The following IL1RAPL1 variants were observed in gnomAD, a reference collection of about 807,000 sequenced individuals.
IL1RAPL1 encodes the protein interleukin 1 receptor accessory protein like 1, also known as interleukin-1 receptor accessory protein-like 1.
IL1RAPL1 carries 3 observed loss-of-function variants against 48.4 expected under a neutral mutation model. The ratio of observed to expected loss-of-function variants is 0.06; its 90% CI spans 0.03 to 0.16. The LOEUF (loss-of-function observed/expected upper bound fraction) is 0.16, where lower values mean the gene tolerates loss of function less well. Ranked by LOEUF, IL1RAPL1 falls within the 10% of genes least tolerant of loss-of-function variation. The pLI, the probability that IL1RAPL1 is intolerant of heterozygous loss-of-function variation, is 1.00. For missense variants in IL1RAPL1, 349 were observed against 530.6 expected, an observed-to-expected ratio of 0.66 and a Z score of 3.36; for synonymous variants, 185 against 187.7, an observed-to-expected ratio of 0.99 and a Z score of 0.12.
chrX:29,407,677 A>T (rs181236444), intron 5 of IL1RAPL1, among the ~76,000 whole-genome samples: 96 of 112,065 alleles, frequency 8.6e-4, no homozygotes, highest in Non-Finnish European at 1.6e-3. Context: ...GGATTTGCTC[A>T]TTAAAAGTAT....
At position 29,118,334 on chromosome X, in the gene IL1RAPL1, A is replaced by G. The variant is rs138038474; in HGVS notation, c.83-164604A>G. Among the ~76,000 whole-genome samples the G allele has an allele frequency of 1.7e-4, 19 of 111,880 alleles. No homozygotes were observed. The East Asian group carries it at 4.2e-3, about 25-fold the overall frequency. ...CAAATAAACTTCTGTGGAACATACA[A>G]TGGTTATTCCTATTTTACAGAATGG... is the stretch of plus-strand genomic sequence containing the variant. On this transcript the variant is annotated intron_variant, in intron 2 of 10. Coordinates refer to ENST00000378993, the MANE Select transcript of IL1RAPL1 (RefSeq NM_014271.4).
intron 5 of IL1RAPL1, among the ~76,000 whole-genome samples, chrX:29,475,733 A>G (rs1934965590): frequency 8.9e-6 from 1 of 111,920 alleles, no homozygotes; most frequent in Non-Finnish European, 1.9e-5. Flanking sequence ...TGGTCTTTCA[A>G]TTAACATGAT....
chrX:28,780,361 GTGTGTC>G (rs1220742265), intron 1 of IL1RAPL1, among the ~76,000 whole-genome samples: 3 of 95,437 alleles, frequency 3.1e-5, no homozygotes, highest in African/African-American at 1.3e-4. Context: ...GTGTGTGTGT[GTGTGTC>G]TGTCTGTCTG....
intron 2 of IL1RAPL1, among the ~76,000 whole-genome samples, chrX:29,155,650 C>T (rs756311098): frequency 1.1e-4 from 12 of 111,945 alleles, no homozygotes; most frequent in Admixed American, 2.9e-4. Flanking sequence ...ATAGAACTCT[C>T]TCTCACTGGT....
chrX:28,789,190 CT>C (rs1458507524), intron 1 of IL1RAPL1, 129 bp from the exon 2 acceptor site: 1 of 443,938 alleles, frequency 2.3e-6, no homozygotes, highest in African/African-American at 2.5e-5. Flanking sequence ...AATAGAAATC[CT>C]GGTTATATTC....
At chrX:29,651,295 G>C (rs1326495193) in intron 5 of IL1RAPL1, among the ~76,000 whole-genome samples, 2 of 110,810 alleles carry the variant, frequency 1.8e-5, no homozygotes, top group Admixed American at 9.6e-5. Context: ...AAAACGAAGT[G>C]AGTATGTCAG....
chrX:28,795,040 A>T (rs935170816), intron 2 of IL1RAPL1, among the ~76,000 whole-genome samples: 2 of 111,227 alleles, frequency 1.8e-5, no homozygotes, highest in African/African-American at 3.3e-5. Context: ...CCATGTGTTT[A>T]TTCTCAGTTT....
At chrX:29,327,583 T>C (rs1298019122) in intron 3 of IL1RAPL1, among the ~76,000 whole-genome samples, 1 of 101,467 alleles carries the variant, frequency 9.9e-6, no homozygotes, top group Non-Finnish European at 2.0e-5. Flanking sequence ...GTGACCATAC[T>C]AGATACTTAA....
intron 9 of IL1RAPL1, among the ~76,000 whole-genome samples, chrX:29,951,267 C>T (rs1467668086): frequency 2.7e-5 from 3 of 112,059 alleles, no homozygotes; most frequent in Non-Finnish European, 5.6e-5. Context: ...CATACCTGAG[C>T]TAAGGATCTC....
intron 2 of IL1RAPL1, among the ~76,000 whole-genome samples, chrX:29,121,881 T>G (rs1191797866): frequency 1.8e-5 from 2 of 112,095 alleles, no homozygotes; most frequent in Non-Finnish European, 3.8e-5. Flanking sequence ...GTTAAAAAAC[T>G]TATTTATGTT....
rs773740482 is a variant in IL1RAPL1, at chrX:29,598,684, A to G, written c.704-69746A>G. Among the ~76,000 whole-genome samples the G allele has an allele frequency of 3.0e-4, 34 of 111,732 alleles. No individual in the cohort carries two copies. The South Asian group carries it at 6.4e-3, about 21-fold the overall frequency. ...ATCTCATTTCTTAGGTCTACTAGTA[A>G]TCGTTTTATAAACTTGGGAGCTCCA... is the stretch of plus-strand genomic sequence containing the variant. On this transcript the variant is annotated intron_variant, in intron 5 of 10. Coordinates refer to ENST00000378993, the MANE Select transcript of IL1RAPL1 (RefSeq NM_014271.4).
At chrX:29,346,812 G>A (rs1933156315) in intron 3 of IL1RAPL1, among the ~76,000 whole-genome samples, 1 of 112,152 alleles carries the variant, frequency 8.9e-6, no homozygotes, top group Non-Finnish European at 1.9e-5. Flanking sequence ...CACCTTGACA[G>A]GTTTCTCCAG....
At chrX:28,996,776 G>A (rs1353263208) in intron 2 of IL1RAPL1, among the ~76,000 whole-genome samples, 1 of 111,115 alleles carries the variant, frequency 9.0e-6, no homozygotes, top group Non-Finnish European at 1.9e-5. Context: ...GCCGTCATAG[G>A]ATGTGTGATA....
intron 6 of IL1RAPL1, among the ~76,000 whole-genome samples, chrX:29,706,142 A>G (rs1301418476): frequency 1.8e-5 from 2 of 111,381 alleles, no homozygotes; most frequent in Non-Finnish European, 3.8e-5. Context: ...CGAGAACAGC[A>G]TGGGAAAGAC....
intron 6 of IL1RAPL1, among the ~76,000 whole-genome samples, chrX:29,754,534 C>T (rs1400226805): frequency 2.7e-5 from 3 of 111,937 alleles, no homozygotes; most frequent in Non-Finnish European, 5.6e-5. Context: ...TTTTAATACA[C>T]AGAAACGATT....
At chrX:28,802,849 G>T (rs1457389288) in intron 2 of IL1RAPL1, among the ~76,000 whole-genome samples, 1 of 111,204 alleles carries the variant, frequency 9.0e-6, no homozygotes, top group African/African-American at 3.3e-5. Flanking sequence ...ATGAAAATGC[G>T]GTAATAAACA....
intron 2 of IL1RAPL1, among the ~76,000 whole-genome samples, chrX:29,116,463 TA>T (rs1165193677): frequency 1.8e-5 from 2 of 111,651 alleles, no homozygotes; most frequent in Non-Finnish European, 3.8e-5. Flanking sequence ...ACACAGAAAT[TA>T]ACAAGTGGTT....
intron 2 of IL1RAPL1, among the ~76,000 whole-genome samples, chrX:29,107,407 G>A (rs1028121647): frequency 8.9e-6 from 1 of 112,185 alleles, no homozygotes; most frequent in Non-Finnish European, 1.9e-5. Flanking sequence ...TTTGGCATAT[G>A]TTCCTCCTGA....
chrX:28,640,983 A>G (rs972044614), intron 1 of IL1RAPL1, among the ~76,000 whole-genome samples: 6 of 110,596 alleles, frequency 5.4e-5, no homozygotes, highest in Non-Finnish European at 7.6e-5. Context: ...GGTAGCTCTG[A>G]CTTGGTGTCT....
Sources: allele counts gnomAD v4.1 joint callset (sites outside exome capture counted in the v4.1 genomes callset), GRCh38; gene constraint gnomAD v4.1.1; transcripts MANE v1.5; gene names NCBI Gene and HGNC (gene_info 2026-07-23, HGNC 2026-07-21).